Variants in TLK1 observed in about 807,000 individuals in gnomAD.
TLK1 encodes the protein tousled like kinase 1.
Under a neutral mutation model 105.3 loss-of-function variants are expected in TLK1, and 24 were observed. The ratio of observed to expected loss-of-function variants is 0.23; its 90% CI spans 0.17 to 0.32. TLK1 has a LOEUF of 0.32. Ranked by LOEUF, TLK1 falls within the 10% of genes least tolerant of loss-of-function variation. The probability of loss-of-function intolerance (pLI) is 1.00; values close to 1 mark genes in which losing one functional copy is unlikely to be tolerated. For synonymous variants in TLK1, 321 were observed against 310.4 expected, an observed-to-expected ratio of 1.03 and a Z score of -0.36; for missense variants, 558 against 910.5, an observed-to-expected ratio of 0.61 and a Z score of 4.98.
intron 2 of TLK1, among the ~76,000 whole-genome samples, chr2:171,111,862 C>T (rs1690187789): frequency 6.6e-6 from 1 of 152,154 alleles, no homozygotes; most frequent in South Asian, 2.1e-4. Context: ...CTACATTCTT[C>T]CAGTTGGCAC....
chr2:171,019,020 AC>A (rs1231351841), intron 12 of TLK1, among the ~76,000 whole-genome samples: 1 of 152,192 alleles, frequency 6.6e-6, no homozygotes, highest in East Asian at 1.9e-4. Flanking sequence ...TCTAATACTC[AC>A]ATAAAAAGCC....
At chr2:171,073,052 T>G (rs1688334074) in intron 3 of TLK1, among the ~76,000 whole-genome samples, 1 of 152,206 alleles carries the variant, frequency 6.6e-6, no homozygotes, top group African/African-American at 2.4e-5. Context: ...AATGCTACTT[T>G]TTTAATATTG....
intron 11 of TLK1, among the ~76,000 whole-genome samples, chr2:171,035,247 AAGG>A (rs1231703295): frequency 6.6e-6 from 1 of 151,934 alleles, no homozygotes; most frequent in East Asian, 1.9e-4. Flanking sequence ...GAGGCTGAGG[AAGG>A]AGAATTGCTT....
chr2:171,089,341 T>C (rs1277744947), intron 2 of TLK1, among the ~76,000 whole-genome samples: 3 of 152,202 alleles, frequency 2.0e-5, no homozygotes, highest in East Asian at 1.9e-4. Context: ...ATTTATGAAA[T>C]CTCTGCCAAT....
intron 11 of TLK1, among the ~76,000 whole-genome samples, chr2:171,032,375 A>G (rs934581396): frequency 2.0e-5 from 3 of 152,214 alleles, no homozygotes; most frequent in Admixed American, 2.0e-4. Flanking sequence ...AAATCACTAG[A>G]ACAATAAATA....
At chr2:171,102,900 C>T (rs1689751777) in intron 2 of TLK1, among the ~76,000 whole-genome samples, 1 of 151,856 alleles carries the variant, frequency 6.6e-6, no homozygotes, top group Non-Finnish European at 1.5e-5. Flanking sequence ...TATAAACAAA[C>T]ACATAAATTT....
chr2:171,204,948 G>A (rs1002030758), intron 1 of TLK1, among the ~76,000 whole-genome samples: 33 of 125,580 alleles, frequency 2.6e-4, no homozygotes, highest in African/African-American at 8.5e-4. Context: ...GTGAGACTCC[G>A]TCTCAAAAAA....
At chr2:171,142,088 A>T (rs570741694) in intron 1 of TLK1, among the ~76,000 whole-genome samples, 1 of 152,260 alleles carries the variant, frequency 6.6e-6, no homozygotes, top group African/African-American at 2.4e-5. Flanking sequence ...CTTATATCAC[A>T]CTTTAACACA....
At position 171,019,132 on chromosome 2, in the gene TLK1, T is replaced by C. The variant is rs901617598; in HGVS notation, c.1237-4184A>G. The stretch of plus-strand genomic sequence containing the variant: ...CAGTTAAAATTAAAAAAAAAAAATG[T>C]GTATGGATAACTCCCACAGCAACTT... On this transcript the variant is annotated intron_variant, in intron 12 of 20. Transcript: ENST00000431350. 7.2e-5 allele frequency among the ~76,000 whole-genome samples: 11 copies of C among 151,828 alleles called. No homozygotes were observed. In the East Asian group the frequency reaches 2.1e-3, roughly 29 times the overall value.
At chr2:171,221,909 C>T (rs1320414139) in intron 1 of TLK1, among the ~76,000 whole-genome samples, 1 of 152,222 alleles carries the variant, frequency 6.6e-6, no homozygotes, top group East Asian at 1.9e-4. Flanking sequence ...TATCCAAATA[C>T]AGTCACATGG....
At chr2:171,034,772 GA>G (rs148477336) in intron 11 of TLK1, among the ~76,000 whole-genome samples, 1 of 151,752 alleles carries the variant, frequency 6.6e-6, no homozygotes, top group African/African-American at 2.4e-5. Context: ...TTATCACTAG[GA>G]AAAAAAATAG....
At chr2:171,128,749 C>CATGTATATATATATACACATACATACAA (rs1203408114) in intron 1 of TLK1, among the ~76,000 whole-genome samples, 1 of 151,868 alleles carries the variant, frequency 6.6e-6, no homozygotes, top group Non-Finnish European at 1.5e-5. Flanking sequence ...TATACATGTA[C>CATGTATATATATATACACATACATACAA]ATGTATATAT....
At chr2:171,047,408 C>T (rs1263556556) in intron 10 of TLK1, among the ~76,000 whole-genome samples, 1 of 152,130 alleles carries the variant, frequency 6.6e-6, no homozygotes, top group African/African-American at 2.4e-5. Flanking sequence ...CCTCCTCTCC[C>T]CAACCACTGA....
intron 10 of TLK1, among the ~76,000 whole-genome samples, chr2:171,048,532 C>T (rs1687067769): frequency 1.1e-5 from 1 of 90,492 alleles, no homozygotes; most frequent in African/African-American, 3.2e-5. Flanking sequence ...TTCACATTAC[C>T]ATCAGTTATT....
chr2:171,034,352 T>A (rs987386482), intron 11 of TLK1, among the ~76,000 whole-genome samples: 5 of 150,190 alleles, frequency 3.3e-5, no homozygotes, highest in African/African-American at 5.0e-5. Flanking sequence ...TAAATGTCCA[T>A]CAATGAATGA....
intron 1 of TLK1, among the ~76,000 whole-genome samples, chr2:171,225,797 T>C (rs1693886788): frequency 6.6e-6 from 1 of 152,196 alleles, no homozygotes; most frequent in African/African-American, 2.4e-5. Context: ...TGTCTTTATT[T>C]TCTGAAACAA....
At chr2:171,082,677 C>A (rs1688805129) in intron 3 of TLK1, 104 bp downstream of exon 3, 1 of 919,262 alleles carries the variant, frequency 1.1e-6, no homozygotes. Flanking sequence ...ACTTTAAAAG[C>A]ATTAACCTTT....
At chr2:171,195,172 C>T (rs1361496960) in intron 1 of TLK1, among the ~76,000 whole-genome samples, 1 of 152,166 alleles carries the variant, frequency 6.6e-6, no homozygotes, top group East Asian at 1.9e-4. Context: ...CTTTTCCTGA[C>T]AAGATGTCAG....
At chr2:171,122,296 A>C (rs1690685894) in intron 1 of TLK1, among the ~76,000 whole-genome samples, 1 of 152,178 alleles carries the variant, frequency 6.6e-6, no homozygotes, top group African/African-American at 2.4e-5. Context: ...CAATATACTC[A>C]AGAGCCCCTG....
Sources: allele counts gnomAD v4.1 joint callset (sites outside exome capture counted in the v4.1 genomes callset), GRCh38; gene constraint gnomAD v4.1.1; transcripts MANE v1.5; gene names NCBI Gene and HGNC (gene_info 2026-07-23, HGNC 2026-07-21).